The following AFF4 variants were observed in gnomAD, a reference collection of about 807,000 sequenced individuals.
AFF4 encodes the protein ALF transcription elongation factor 4.
Under a neutral mutation model 124.8 loss-of-function variants are expected in AFF4, and 13 were observed. The observed-to-expected ratio is 0.10, with a 90% CI of 0.07 to 0.17. The LOEUF is 0.17. Ranked by LOEUF, AFF4 falls within the 10% of genes least tolerant of loss-of-function variation. The probability of loss-of-function intolerance (pLI) is 1.00; values close to 1 mark genes in which losing one functional copy is unlikely to be tolerated. For missense variants in AFF4, 1,092 were observed against 1,403.8 expected, an observed-to-expected ratio of 0.78 and a Z score of 3.55; for synonymous variants, 477 against 496.1, an observed-to-expected ratio of 0.96 and a Z score of 0.51.
chr5:132,934,226 T>A lies in AFF4; in HGVS notation c.839A>T (p.His280Leu), dbSNP rs1761366336. The change falls in exon 3 of 21, where the codon CAT becomes CTT. Residue 280 changes from histidine (H) to leucine (L), a missense_variant. This residue lies in a region of AFF4 where 148 missense variants were observed against 196.3 expected (regional missense o/e 0.75). Coordinates refer to ENST00000265343, the MANE Select transcript of AFF4 (RefSeq NM_014423.4). ...LSSEHYSSQS[H>L]GNSMTELKPS... ...CTTCAGCTCAGTCATGCTGTTGCCA[T>A]GGGATTGGCTGCTGTAGTGCTCAGA... 6.2e-7 allele frequency: 1 copy of A among 1,614,164 alleles called. No individual in the cohort carries two copies.
chr5:132,890,567 A>C (rs1760229260), intron 13 of AFF4, among the ~76,000 whole-genome samples: 1 of 152,242 alleles, frequency 6.6e-6, no homozygotes, highest in South Asian at 2.1e-4. Context: ...TTGATTTTCC[A>C]GATCTAATTT....
chr5:132,955,411 A>G (rs1761929907), intron 1 of AFF4, among the ~76,000 whole-genome samples: 1 of 152,202 alleles, frequency 6.6e-6, no homozygotes, highest in Non-Finnish European at 1.5e-5. Flanking sequence ...TATCACTATG[A>G]GAATCTGATC....
chr5:132,891,800 CTT>C (rs11441608), intron 13 of AFF4: 29,007 of 223,380 alleles, frequency 0.13, 1,487 homozygotes, highest in South Asian at 0.2. Flanking sequence ...TGGTTTCTAT[CTT>C]TTTTTTTTTT....
chr5:132,919,959 C>T (rs1342698919), intron 5 of AFF4, among the ~76,000 whole-genome samples: 2 of 151,216 alleles, frequency 1.3e-5, no homozygotes, highest in Non-Finnish European at 2.9e-5. Flanking sequence ...GCCAGGGCAA[C>T]ACAGAGAGAC....
At chr5:132,940,779 C>CA (rs1761550416) in intron 1 of AFF4, among the ~76,000 whole-genome samples, 1 of 152,090 alleles carries the variant, frequency 6.6e-6, no homozygotes, top group Non-Finnish European at 1.5e-5. Flanking sequence ...GTAATCCCAG[C>CA]ACTTTGGGAG....
Position 132,879,013 on chromosome 5 carries a change from T to C in AFF4, c.*2046A>G. 4.5e-6 allele frequency: 1 copy of C among 222,534 alleles called. No individual in the cohort carries two copies. Among genetic ancestry groups the C allele is most frequent in the Non-Finnish European group, 9.0e-6 (1 of 111,474 alleles). 13.8% of individuals were successfully genotyped at this position (222,534 alleles called of 1,614,324 possible). On this transcript the variant is annotated 3_prime_UTR_variant, in exon 21 of 21. Transcript: ENST00000265343. ...ACCATTATTTCTTACTAAATAACTA[T>C]CATGATCATTGAGAAGTTGTCCTCT...
chr5:132,938,771 G>C (rs1043125207), intron 1 of AFF4, among the ~76,000 whole-genome samples: 1 of 150,920 alleles, frequency 6.6e-6, no homozygotes, highest in Non-Finnish European at 1.5e-5. Context: ...GTGAAACCCC[G>C]TCTCTACTAA....
intron 5 of AFF4, among the ~76,000 whole-genome samples, chr5:132,910,707 T>C (rs1481044815): frequency 6.6e-6 from 1 of 152,224 alleles, no homozygotes; most frequent in African/African-American, 2.4e-5. Context: ...CTAAACACTG[T>C]TACTTGAGTA....
At chr5:132,929,857 T>C (rs1561499795) in intron 4 of AFF4, among the ~76,000 whole-genome samples, 1 of 152,100 alleles carries the variant, frequency 6.6e-6, no homozygotes, top group Non-Finnish European at 1.5e-5. Context: ...GCAAAAGACA[T>C]ATGAGTAGGG....
chr5:132,923,076 T>C (rs1443130563), intron 5 of AFF4, among the ~76,000 whole-genome samples: 1 of 152,130 alleles, frequency 6.6e-6, no homozygotes, highest in Admixed American at 6.6e-5. Flanking sequence ...CTCAGGAGGC[T>C]GAGGCAGGAG....
At chr5:132,919,720 T>C (rs1760997379) in intron 5 of AFF4, among the ~76,000 whole-genome samples, 2 of 152,144 alleles carry the variant, frequency 1.3e-5, no homozygotes, top group African/African-American at 2.4e-5. Flanking sequence ...TGTGGTGGCA[T>C]GCACTTGTAA....
At chr5:132,915,568 G>GTTTTTT (rs34458324) in intron 5 of AFF4, among the ~76,000 whole-genome samples, 1 of 122,998 alleles carries the variant, frequency 8.1e-6, no homozygotes, top group African/African-American at 3.1e-5. Context: ...TTTTTTTTGG[G>GTTTTTT]TTTTTTTTTT....
Position 132,934,241 on chromosome 5 carries a change from T to C in AFF4, c.824A>G (p.Tyr275Cys), listed in dbSNP as rs371241687. ...GCTGTTGCCATGGGATTGGCTGCTGTAGTGCTCAGAGGACAGCTTTGGTTC... is the reference window on the plus strand; with the variant it reads ...GCTGTTGCCATGGGATTGGCTGCTGCAGTGCTCAGAGGACAGCTTTGGTTC... Reference protein sequence around the residue: ...SMEPKLSSEHYSSQSHGNSMT... With the variant: ...SMEPKLSSEHCSSQSHGNSMT... Residue 275 changes from tyrosine (Y) to cysteine (C), a missense_variant, in exon 3 of 21, where the codon TAC (tyrosine) becomes TGC (cysteine). Physicochemically the swap from Tyr to Cys is radical, Grantham distance 194 (BLOSUM62 -2). Transcript: ENST00000265343. 44 of 1,614,052 alleles carry C rather than the reference T, an allele frequency of 2.7e-5. No individual in the cohort carries two copies. Among genetic ancestry groups the C allele is most frequent in the Non-Finnish European group, 3.6e-5 (42 of 1,180,032 alleles).
chr5:132,943,914 T>C, intron 1 of AFF4: 1 of 172,368 alleles, frequency 5.8e-6, no homozygotes, highest in African/African-American at 2.4e-5. Flanking sequence ...AGGTGAAAGA[T>C]GGCCCTAAAT....
intron 9 of AFF4, 105 bp from the exon 10 acceptor site, chr5:132,898,497 T>A: frequency 1.6e-6 from 2 of 1,244,004 alleles, no homozygotes; most frequent in Non-Finnish European, 2.2e-6. Flanking sequence ...TGTCTTTTTT[T>A]TTTTTAGACG....
intron 2 of AFF4, among the ~76,000 whole-genome samples, chr5:132,935,306 A>G (rs983782118): frequency 1.5e-4 from 23 of 152,228 alleles, no homozygotes; most frequent in Non-Finnish European, 2.5e-4. Context: ...TGGGTAACAT[A>G]GCAAGACTGT....
At chr5:132,939,506 T>C (rs1477600765) in intron 1 of AFF4, among the ~76,000 whole-genome samples, 1 of 152,246 alleles carries the variant, frequency 6.6e-6, no homozygotes, top group East Asian at 1.9e-4. Flanking sequence ...AATAGGCCTC[T>C]TGGGCTATGG....
At chr5:132,887,788 C>A in intron 16 of AFF4, 58 bp downstream of exon 16, 1 of 1,596,552 alleles carries the variant, frequency 6.3e-7, no homozygotes, top group Non-Finnish European at 8.5e-7. Flanking sequence ...CAGCCTCTTC[C>A]TTGATGGACC....
At chr5:132,942,164 T>A (rs1761585475) in intron 1 of AFF4, among the ~76,000 whole-genome samples, 1 of 152,166 alleles carries the variant, frequency 6.6e-6, no homozygotes, top group Non-Finnish European at 1.5e-5. Flanking sequence ...AAGTCCCAGG[T>A]TGTTTTTACC....
Sources: allele counts gnomAD v4.1 joint callset (sites outside exome capture counted in the v4.1 genomes callset), GRCh38; gene constraint gnomAD v4.1.1; regional missense constraint gnomAD v4.1.1; transcripts MANE v1.5; gene names NCBI Gene and HGNC (gene_info 2026-07-23, HGNC 2026-07-21).